Variants in FRMPD4 observed in about 807,000 individuals in gnomAD.
The protein encoded by FRMPD4 is FERM and PDZ domain-containing protein 4.
Under a neutral mutation model 94.1 loss-of-function variants are expected in FRMPD4, and 22 were observed. The ratio of observed to expected loss-of-function variants is 0.23; its 90% CI spans 0.17 to 0.33. The LOEUF is 0.33. FRMPD4 is among the 10% of genes least tolerant of loss of function. The pLI, the probability that FRMPD4 is intolerant of heterozygous loss-of-function variation, is 1.00. For synonymous variants in FRMPD4, 631 were observed against 548.6 expected, an observed-to-expected ratio of 1.15 and a Z score of -2.10; for missense variants, 1,111 against 1,339.9, an observed-to-expected ratio of 0.83 and a Z score of 2.67.
intron 1 of FRMPD4, among the ~76,000 whole-genome samples, chrX:12,336,434 GGATTC>G (rs761284336): frequency 2.7e-5 from 3 of 111,517 alleles, no homozygotes; most frequent in Non-Finnish European, 3.8e-5. Context: ...ATGATGTATG[GGATTC>G]AGAGAGCTGA....
chrX:12,674,389 G>A (rs964456287), intron 4 of FRMPD4, among the ~76,000 whole-genome samples: 2 of 111,738 alleles, frequency 1.8e-5, no homozygotes, highest in African/African-American at 6.5e-5. Flanking sequence ...TGCTGATCCT[G>A]AGAGGTAATG....
chrX:11,859,934 A>G (rs761099957), intron 1 of FRMPD4, among the ~76,000 whole-genome samples: 32 of 111,662 alleles, frequency 2.9e-4, no homozygotes, highest in African/African-American at 8.8e-4. Flanking sequence ...TCTTTTCAGT[A>G]TCTTCCTTTT....
At chrX:12,675,714 G>A (rs1190234219) in intron 5 of FRMPD4, among the ~76,000 whole-genome samples, 1 of 111,602 alleles carries the variant, frequency 9.0e-6, no homozygotes, top group Admixed American at 9.6e-5. Context: ...AAATTACCGA[G>A]GCAAATTCCT....
Position 12,721,690 on chromosome X carries a change from G to C in FRMPD4, c.5121G>C (p.Lys1707Asn). The C allele has an allele frequency of 1.3e-6, 1 of 753,513 alleles. No individual in the cohort carries two copies. The highest frequency in any genetic ancestry group is 1.6e-6 in the Non-Finnish European group (1 of 637,147). 62.1% of individuals were successfully genotyped at this position (753,513 alleles called of 1,213,427 possible). A position where few individuals can be genotyped will look rare whatever the true frequency, so the allele number is the denominator to read the frequency against. The change falls in exon 17 of 17, where the codon AAG becomes AAC. Residue 1707 changes from lysine to asparagine, a missense_variant. Lys to Asn is a moderately conservative substitution (Grantham distance 94, BLOSUM62 0). Transcript: ENST00000675598. ...SETQRQEIVG[K>N]IDEVVINYIC... ...CACAGCGGCAGGAAATTGTAGGGAA[G>C]ATCGATGAAGTGGTCATAAATTACA...
intron 3 of FRMPD4, among the ~76,000 whole-genome samples, chrX:11,907,222 A>C (rs1476455714): frequency 9.0e-6 from 1 of 110,538 alleles, no homozygotes; most frequent in Non-Finnish European, 1.9e-5. Flanking sequence ...ACCTGTTTAT[A>C]ACAACTGCTT....
intron 3 of FRMPD4, among the ~76,000 whole-genome samples, chrX:12,124,884 T>C (rs1343353824): frequency 8.9e-6 from 1 of 111,785 alleles, no homozygotes; most frequent in African/African-American, 3.3e-5. Context: ...ATATATTTAC[T>C]GAATGAAAGA....
chrX:12,189,202 A>T (rs911494828), intron 1 of FRMPD4, among the ~76,000 whole-genome samples: 3 of 111,698 alleles, frequency 2.7e-5, no homozygotes, highest in Non-Finnish European at 5.7e-5. Flanking sequence ...TTGAAACACA[A>T]TCTGCCAAAA....
intron 1 of FRMPD4, among the ~76,000 whole-genome samples, chrX:11,863,282 T>G (rs1491001340): frequency 9.1e-6 from 1 of 109,933 alleles, no homozygotes; most frequent in Non-Finnish European, 1.9e-5. Flanking sequence ...TTTGGTTTTT[T>G]GTCCTTGAGA....
intron 3 of FRMPD4, among the ~76,000 whole-genome samples, chrX:12,084,181 G>GGT (rs1555921473): frequency 9.9e-6 from 1 of 100,578 alleles, no homozygotes; most frequent in Non-Finnish European, 2.0e-5. Flanking sequence ...ACCCAGTGGG[G>GGT]GGGGGGGTAA....
chrX:12,076,997 A>AT (rs1361222013), intron 3 of FRMPD4, among the ~76,000 whole-genome samples: 5 of 111,416 alleles, frequency 4.5e-5, no homozygotes, highest in African/African-American at 1.6e-4. Flanking sequence ...ACAGCGTTGC[A>AT]TTTTTCTTCT....
At chrX:12,066,878 T>G (rs1335358984) in intron 3 of FRMPD4, among the ~76,000 whole-genome samples, 1 of 95,637 alleles carries the variant, frequency 1.0e-5, no homozygotes, top group African/African-American at 3.6e-5. Flanking sequence ...TTTGTTTTTG[T>G]TTTTTTTTTG....
intron 3 of FRMPD4, among the ~76,000 whole-genome samples, chrX:11,907,671 G>A (rs184140496): frequency 4.5e-5 from 5 of 111,416 alleles, no homozygotes; most frequent in Admixed American, 2.9e-4. Context: ...CCTCACAAAG[G>A]CACTACCTTC....
chrX:12,556,429 G>A (rs938404118), intron 2 of FRMPD4, among the ~76,000 whole-genome samples: 1 of 111,037 alleles, frequency 9.0e-6, no homozygotes, highest in Admixed American at 9.6e-5. Flanking sequence ...CCTACGGAGG[G>A]GGGTGGACTC....
chrX:12,203,878 C>T (rs1401029635), intron 1 of FRMPD4, among the ~76,000 whole-genome samples: 5 of 112,338 alleles, frequency 4.5e-5, no homozygotes, highest in African/African-American at 1.6e-4. Context: ...ACTGACAACA[C>T]TGTTTCCTGA....
intron 1 of FRMPD4, among the ~76,000 whole-genome samples, chrX:12,471,630 A>C (rs1030163526): frequency 3.6e-5 from 4 of 111,716 alleles, no homozygotes; most frequent in African/African-American, 1.3e-4. Flanking sequence ...ACAAGCCCCA[A>C]ATTTGCCTTG....
intron 1 of FRMPD4, among the ~76,000 whole-genome samples, chrX:12,249,700 G>A (rs777696981): frequency 8.9e-6 from 1 of 111,863 alleles, no homozygotes; most frequent in East Asian, 2.8e-4. Flanking sequence ...GAAGTATACT[G>A]AGAGAGAAAG....
At chrX:12,487,578 A>G (rs898297849) in intron 1 of FRMPD4, among the ~76,000 whole-genome samples, 1 of 112,248 alleles carries the variant, frequency 8.9e-6, no homozygotes, top group African/African-American at 3.2e-5. Context: ...TCTATTTTCA[A>G]GTGTATATGT....
intron 4 of FRMPD4, among the ~76,000 whole-genome samples, chrX:12,673,828 C>A (rs755260475): frequency 9.0e-6 from 1 of 111,456 alleles, no homozygotes; most frequent in East Asian, 2.8e-4. Context: ...TTCCTCTCTT[C>A]CCCTACCCCA....
At chrX:12,416,082 T>C (rs2056796525) in intron 1 of FRMPD4, among the ~76,000 whole-genome samples, 1 of 111,844 alleles carries the variant, frequency 8.9e-6, no homozygotes, top group African/African-American at 3.2e-5. Flanking sequence ...AGTGAGCATC[T>C]ATTTTGCTCT....
Sources: gnomAD v4.1 joint callset for allele counts (sites outside exome capture counted in the v4.1 genomes callset) on GRCh38, gnomAD v4.1.1 for gene constraint, MANE v1.5 for transcripts, NCBI Gene and HGNC (gene_info 2026-07-23, HGNC 2026-07-21) for gene names.